Variants in PHACTR1 observed in about 807,000 individuals in gnomAD.
The protein encoded by PHACTR1 is RPEL repeat containing 1.
In PHACTR1, 16 loss-of-function variants were observed where a neutral mutation model predicts 69.2. That is an observed-to-expected ratio of 0.23 (90% CI 0.16 to 0.35). The LOEUF is 0.35. Among genes scored for constraint, PHACTR1 ranks in the 10% least tolerant of loss-of-function variants. The pLI is 1.00. For synonymous variants in PHACTR1, 312 were observed against 284.5 expected (o/e 1.10, Z -0.97); for missense variants, 510 against 734.7 (o/e 0.69, Z 3.54).
intron 4 of PHACTR1, among the ~76,000 whole-genome samples, chr6:12,764,258 G>C (rs1421891272): frequency 1.3e-5 from 2 of 152,180 alleles, no homozygotes; most frequent in African/African-American, 4.8e-5. Context: ...AAAGTATTGT[G>C]GAGCAAATGT....
chr6:12,856,436 G>A (rs1780376609), intron 4 of PHACTR1, among the ~76,000 whole-genome samples: 1 of 151,890 alleles, frequency 6.6e-6, no homozygotes, highest in African/African-American at 2.4e-5. Context: ...TGTATTTTTA[G>A]TAGATGCGGT....
At chr6:12,726,845 T>G (rs575433985) in intron 3 of PHACTR1, among the ~76,000 whole-genome samples, 2 of 152,308 alleles carry the variant, frequency 1.3e-5, no homozygotes, top group Non-Finnish European at 2.9e-5. Context: ...CACCTGCCCC[T>G]CAGAGTCCTG....
chr6:13,047,261 C>T (rs937594390), intron 4 of PHACTR1, among the ~76,000 whole-genome samples: 3 of 151,642 alleles, frequency 2.0e-5, no homozygotes, highest in Admixed American at 2.0e-4. Context: ...GCCTGTTGTC[C>T]CAGCTACTCA....
intron 4 of PHACTR1, among the ~76,000 whole-genome samples, chr6:13,034,374 G>T (rs1228294809): frequency 6.6e-6 from 1 of 152,186 alleles, no homozygotes; most frequent in Non-Finnish European, 1.5e-5. Flanking sequence ...TCAATAAATG[G>T]TTGTTGAATT....
intron 5 of PHACTR1, among the ~76,000 whole-genome samples, chr6:13,071,622 G>A (rs922908860): frequency 6.6e-6 from 1 of 152,158 alleles, no homozygotes; most frequent in East Asian, 1.9e-4. Context: ...TAATTTGGCC[G>A]TAGAAGACTA....
chr6:13,085,853 T>C (rs1452547738), intron 5 of PHACTR1, among the ~76,000 whole-genome samples: 2 of 151,958 alleles, frequency 1.3e-5, no homozygotes, highest in Non-Finnish European at 2.9e-5. Flanking sequence ...ATATATTATG[T>C]GTCAAACACA....
intron 4 of PHACTR1, among the ~76,000 whole-genome samples, chr6:12,985,900 A>G (rs575416291): frequency 1.5e-4 from 23 of 151,372 alleles, no homozygotes; most frequent in African/African-American, 5.3e-4. Context: ...CAATGGCACT[A>G]TCTCAGCCCA....
At chr6:13,014,446 G>T (rs1456572943) in intron 4 of PHACTR1, among the ~76,000 whole-genome samples, 2 of 152,218 alleles carry the variant, frequency 1.3e-5, no homozygotes, top group East Asian at 3.9e-4. Flanking sequence ...GGATTTGTCG[G>T]TAGCAAAAGC....
chr6:13,269,502 G>A (rs1562097337), intron 10 of PHACTR1, among the ~76,000 whole-genome samples: 1 of 152,064 alleles, frequency 6.6e-6, no homozygotes, highest in South Asian at 2.1e-4. Context: ...TTGTCAATGG[G>A]GATGAAAAAT....
Position 13,215,993 on chromosome 6 carries a change from C to CA in PHACTR1, c.986+9857_986+9858insA, listed in dbSNP as rs10623313. On this transcript the variant is annotated intron_variant, in intron 8 of 14. Transcript: ENST00000332995. ...AGCAATCTTTCCTTTAAAATTATAA[C>CA]TGATAAGTTTATACGAATAGTTTAT... Among the ~76,000 whole-genome samples, 5 of 151,780 alleles carry CA rather than the reference C, an allele frequency of 3.3e-5. No individual in the cohort carries two copies. In the East Asian group the frequency reaches 9.6e-4, roughly 29 times the overall value.
intron 4 of PHACTR1, among the ~76,000 whole-genome samples, chr6:12,964,598 G>T (rs779528501): frequency 2.0e-5 from 3 of 152,158 alleles, no homozygotes; most frequent in Non-Finnish European, 4.4e-5. Context: ...GGGACCGATG[G>T]TAGATGCATT....
At chr6:13,231,025 A>G in intron 10 of PHACTR1, among the ~76,000 whole-genome samples, 1 of 140,002 alleles carries the variant, frequency 7.1e-6, no homozygotes, top group Non-Finnish European at 1.5e-5. Context: ...GAAGGAAAGA[A>G]AGAAAGAGAG....
intron 4 of PHACTR1, among the ~76,000 whole-genome samples, chr6:12,954,732 C>A (rs894387416): frequency 6.6e-6 from 1 of 152,170 alleles, no homozygotes; most frequent in African/African-American, 2.4e-5. Flanking sequence ...CAATTCCAGG[C>A]TTATTTGATG....
rs979090101 is a variant in PHACTR1 at position 13,243,861 on chromosome 6, G to C, written c.1391+13668G>C. 2.0e-5 allele frequency among the ~76,000 whole-genome samples: 3 copies of C among 152,132 alleles called. 1 individual carries two copies. On this transcript the variant is annotated intron_variant, in intron 10 of 14. Transcript: ENST00000332995. ...GAGAACATGTGGTATTTGGTTTTCT[G>C]TTCCTGTGTTAGTTTGCTAAGGATG...
intron 3 of PHACTR1, among the ~76,000 whole-genome samples, chr6:12,723,127 C>T (rs985245862): frequency 6.6e-6 from 1 of 152,140 alleles, no homozygotes; most frequent in African/African-American, 2.4e-5. Context: ...AGGCCAGGGA[C>T]TGTCTTAGGT....
intron 4 of PHACTR1, among the ~76,000 whole-genome samples, chr6:12,897,812 T>C (rs1289561351): frequency 6.6e-6 from 1 of 152,022 alleles, no homozygotes; most frequent in African/African-American, 2.4e-5. Context: ...TTTGCTGCAC[T>C]CATCAACCTA....
chr6:12,934,070 G>A, intron 4 of PHACTR1: 3 of 1,275,718 alleles, frequency 2.4e-6, no homozygotes, highest in African/African-American at 1.5e-5. Flanking sequence ...TGGGGCCACG[G>A]TCCTTTTGCA....
intron 4 of PHACTR1, among the ~76,000 whole-genome samples, chr6:13,038,884 C>G (rs1418883660): frequency 6.6e-6 from 1 of 152,160 alleles, no homozygotes; most frequent in Admixed American, 6.5e-5. Flanking sequence ...CAGTGCCTGC[C>G]ATGTTCCAGT....
intron 4 of PHACTR1, among the ~76,000 whole-genome samples, chr6:13,019,857 A>G (rs1048920135): frequency 6.6e-6 from 1 of 152,188 alleles, no homozygotes; most frequent in Non-Finnish European, 1.5e-5. Flanking sequence ...TAACTTATAT[A>G]TGAATGGTGA....
Sources: allele counts gnomAD v4.1 joint callset (sites outside exome capture counted in the v4.1 genomes callset), GRCh38; gene constraint gnomAD v4.1.1; transcripts MANE v1.5; gene names NCBI Gene and HGNC (gene_info 2026-07-23, HGNC 2026-07-21).